The following PRR16 variants were observed in gnomAD, a reference collection of about 807,000 sequenced individuals.
PRR16 encodes proline rich 16.
PRR16 carries 6 observed loss-of-function variants against 18.2 expected under a neutral mutation model. The observed-to-expected ratio is 0.33, with a 90% CI of 0.18 to 0.65. PRR16 has a LOEUF of 0.65. PRR16 is among the 30% of genes least tolerant of loss of function. PRR16 has a pLI of 0.74. For synonymous variants in PRR16, 151 were observed against 147.8 expected, an observed-to-expected ratio of 1.02 and a Z score of -0.16; for missense variants, 412 against 376.6, an observed-to-expected ratio of 1.09 and a Z score of -0.78.
At chr5:120,673,899 G>A in intron 1 of PRR16, among the ~76,000 whole-genome samples, 1 of 151,344 alleles carries the variant, frequency 6.6e-6, no homozygotes, top group East Asian at 1.9e-4. Context: ...TGGCTACAGT[G>A]AGCCGAGATT....
At chr5:120,685,150 G>T (rs941766673) in intron 1 of PRR16, among the ~76,000 whole-genome samples, 2 of 152,174 alleles carry the variant, frequency 1.3e-5, no homozygotes, top group Non-Finnish European at 2.9e-5. Context: ...CACCAGTAAA[G>T]GTTCTGCTTT....
intron 1 of PRR16, among the ~76,000 whole-genome samples, chr5:120,539,839 T>C (rs1010264517): frequency 2.0e-5 from 3 of 152,194 alleles, no homozygotes; most frequent in Non-Finnish European, 4.4e-5. Flanking sequence ...ATTAGGTTTT[T>C]TTTTCTTTTT....
At chr5:120,784,212 G>T in the PRR16 span, among the ~76,000 whole-genome samples, 45 of 152,028 alleles carry the variant, frequency 3.0e-4, no homozygotes, top group Admixed American at 8.5e-4. Context: ...CTTTCTTTTG[G>T]AGCTATATAC....
At chr5:120,747,200 T>C in the PRR16 span, among the ~76,000 whole-genome samples, 2 of 152,174 alleles carry the variant, frequency 1.3e-5, no homozygotes, top group Non-Finnish European at 2.9e-5. Flanking sequence ...TACAGATTTA[T>C]GCTTAGAGAC....
At chr5:120,484,099 A>G (rs1749710349) in intron 1 of PRR16, among the ~76,000 whole-genome samples, 1 of 151,878 alleles carries the variant, frequency 6.6e-6, no homozygotes, top group East Asian at 1.9e-4. Context: ...ACATTTTTAA[A>G]AAAGCAAGCG....
chr5:120,516,170 T>C (rs1750983308), intron 1 of PRR16, among the ~76,000 whole-genome samples: 1 of 152,118 alleles, frequency 6.6e-6, no homozygotes, highest in African/African-American at 2.4e-5. Flanking sequence ...ATGCCCGTAA[T>C]CTCAGCACTT....
chr5:120,525,364 A>G (rs1490591213), intron 1 of PRR16, among the ~76,000 whole-genome samples: 1 of 152,132 alleles, frequency 6.6e-6, no homozygotes, highest in Admixed American at 6.6e-5. Context: ...TTAATAAATT[A>G]AATATGAATT....
rs1297221880 is a variant in PRR16 at position 120,686,257 on chromosome 5, C to T, written c.463C>T (p.Arg155Ter). The stretch of plus-strand genomic sequence containing the variant: ...TGTAAAAACCAATGGCACCCTTCTA[C>T]GAAATGGAGGCTTACCAGGTGGACC... Reference protein sequence around the residue: ...NPVKTNGTLLRNGGLPGGPNK... With the variant: ...NPVKTNGTLL Residue 155 changes from arginine to a stop codon, truncating the protein, a stop_gained, in exon 2 of 2, where the codon CGA (arginine) becomes TGA (stop). Coordinates refer to ENST00000407149, the MANE Select transcript of PRR16 (RefSeq NM_001300783.2). LOFTEE classifies it high-confidence loss of function. The T allele has an allele frequency of 2.5e-6, 4 of 1,614,048 alleles. No homozygotes were observed. Among genetic ancestry groups the T allele is most frequent in the East Asian group, 2.2e-5 (1 of 44,868 alleles).
Position 120,588,934 on chromosome 5 carries a change from T to A in PRR16, c.160-97020T>A, listed in dbSNP as rs186250723. Reference sequence around the variant, plus strand: ...TCTGTCTAACCAATAGATTTTTTTTTATACTAAAGCCCAGTTCTACCATTA... The same window carrying A: ...TCTGTCTAACCAATAGATTTTTTTTAATACTAAAGCCCAGTTCTACCATTA... On this transcript the variant is annotated intron_variant, in intron 1 of 1. Coordinates refer to ENST00000407149, the MANE Select transcript of PRR16 (RefSeq NM_001300783.2). Among the ~76,000 whole-genome samples the A allele has an allele frequency of 1.6e-3, 239 of 152,164 alleles. 1 individual carries two copies. The highest frequency in any genetic ancestry group is 5.4e-3 in the African/African-American group (225 of 41,534).
chr5:120,681,477 C>G (rs1307197718), intron 1 of PRR16, among the ~76,000 whole-genome samples: 3 of 152,120 alleles, frequency 2.0e-5, no homozygotes, highest in African/African-American at 7.2e-5. Flanking sequence ...TTTAGCTTCA[C>G]ATTTTTCTTA....
chr5:120,673,352 A>G (rs1756680491), intron 1 of PRR16, among the ~76,000 whole-genome samples: 1 of 152,236 alleles, frequency 6.6e-6, no homozygotes, highest in Non-Finnish European at 1.5e-5. Flanking sequence ...GCAGCTCACA[A>G]ATGCTTATGG....
chr5:120,612,142 G>A (rs761783332), intron 1 of PRR16, among the ~76,000 whole-genome samples: 7 of 152,178 alleles, frequency 4.6e-5, no homozygotes, highest in Non-Finnish European at 8.8e-5. Context: ...TAGAATGGCT[G>A]TATTTACCCA....
At chr5:120,479,630 C>T (rs1214301060) in intron 1 of PRR16, among the ~76,000 whole-genome samples, 1 of 151,932 alleles carries the variant, frequency 6.6e-6, no homozygotes, top group Non-Finnish European at 1.5e-5. Context: ...AAAATATATA[C>T]TATTGGCATT....
the PRR16 span, among the ~76,000 whole-genome samples, chr5:120,776,560 G>A: frequency 2.0e-5 from 3 of 152,050 alleles, no homozygotes; most frequent in Non-Finnish European, 1.5e-5. Context: ...TAAGAGCATA[G>A]ATAAATAAGG....
chr5:120,540,739 C>T (rs1751887389), intron 1 of PRR16, among the ~76,000 whole-genome samples: 2 of 152,102 alleles, frequency 1.3e-5, no homozygotes, highest in African/African-American at 4.8e-5. Context: ...GGTCTGATTG[C>T]AAAAATTCCA....
the PRR16 span, among the ~76,000 whole-genome samples, chr5:120,730,599 T>C: frequency 6.6e-6 from 1 of 152,036 alleles, no homozygotes; most frequent in African/African-American, 2.4e-5. Flanking sequence ...AATTGCTGGA[T>C]AAGGAGTCCA....
chr5:120,775,302 C>A, the PRR16 span, among the ~76,000 whole-genome samples: 1 of 152,086 alleles, frequency 6.6e-6, no homozygotes, highest in African/African-American at 2.4e-5. Flanking sequence ...GTCCTCTTCT[C>A]CTGTCTTAGG....
At chr5:120,500,311 CT>C (rs925351459) in intron 1 of PRR16, among the ~76,000 whole-genome samples, 1 of 151,922 alleles carries the variant, frequency 6.6e-6, no homozygotes. Flanking sequence ...CTCACCATCT[CT>C]TTTTTTTGGC....
At chr5:120,737,359 G>C in the PRR16 span, among the ~76,000 whole-genome samples, 1 of 31,866 alleles carries the variant, frequency 3.1e-5, no homozygotes, top group South Asian at 1.0e-3. Context: ...GTCAAATTTT[G>C]TCAATTTTTT....
Sources: allele counts gnomAD v4.1 joint callset (sites outside exome capture counted in the v4.1 genomes callset), GRCh38; gene constraint gnomAD v4.1.1; transcripts MANE v1.5; gene names NCBI Gene and HGNC (gene_info 2026-07-23, HGNC 2026-07-21).